Variants in CDK13 observed in about 807,000 individuals in gnomAD.
CDK13 encodes cyclin dependent kinase 13.
CDK13 carries 40 observed loss-of-function variants against 137.6 expected under a neutral mutation model. The ratio of observed to expected loss-of-function variants is 0.29; its 90% confidence interval spans 0.23 to 0.38. The LOEUF is 0.38. CDK13 is among the 10% of genes least tolerant of loss of function. The pLI, the probability that CDK13 is intolerant of heterozygous loss-of-function variation, is 1.00. For synonymous variants in CDK13, 869 were observed against 760.1 expected, an observed-to-expected ratio of 1.14 and a Z score of -2.36; for missense variants, 1,704 against 1,951.8, an observed-to-expected ratio of 0.87 and a Z score of 2.39.
At chr7:40,042,732 G>A (rs991462211) in intron 5 of CDK13, among the ~76,000 whole-genome samples, 2 of 150,052 alleles carry the variant, frequency 1.3e-5, no homozygotes, top group African/African-American at 2.5e-5. Context: ...CACCCACCTC[G>A]GCCTCCGAAA....
At chr7:40,076,494 T>C (rs1174282225) in intron 9 of CDK13, among the ~76,000 whole-genome samples, 1 of 152,134 alleles carries the variant, frequency 6.6e-6, no homozygotes, top group East Asian at 1.9e-4. Flanking sequence ...GGAAGGCAGA[T>C]TGGGACCAGA....
chr7:40,046,679 T>C (rs529402068), intron 6 of CDK13, among the ~76,000 whole-genome samples: 80 of 151,352 alleles, frequency 5.3e-4, no homozygotes, highest in Non-Finnish European at 9.3e-4. Flanking sequence ...AACAATATTA[T>C]AACTTGGGAT....
Position 39,951,242 on chromosome 7 carries a change from G to T in CDK13, c.601G>T (p.Asp201Tyr). 1 of 1,288,846 alleles carries T rather than the reference G, an allele frequency of 7.8e-7. No homozygotes were observed. The highest frequency in any genetic ancestry group is 2.5e-5 in the South Asian group (1 of 40,016). 79.8% of individuals were successfully genotyped at this position (1,288,846 alleles called of 1,614,324 possible). A position where few individuals can be genotyped will look rare whatever the true frequency, so the allele number is the denominator to read the frequency against. ...GGGGTCGGAGCGCAGGCCCCGCCGG[G>T]ACCGCCGCAGCAGCAGTGGCCGCAG... ...GEGSERRPRR[D>Y]RRSSSGRSKE... The change falls in exon 1 of 14, where the codon GAC (aspartate) becomes TAC (tyrosine). Residue 201 changes from aspartate to tyrosine, a missense_variant. This residue lies in a region of CDK13 where 1,051 missense variants were observed against 931.0 expected (regional missense o/e 1.13). Transcript: ENST00000181839.
At position 39,950,659 on chromosome 7, in the gene CDK13, C is replaced by A; in HGVS notation, c.18C>A (p.Asp6Glu). 7.4e-7 allele frequency: 1 copy of A among 1,345,580 alleles called. No individual in the cohort carries two copies. The highest frequency in any genetic ancestry group is 9.5e-7 in the Non-Finnish European group (1 of 1,051,446). The allele number at this position is 1,345,580 out of a possible 1,614,324, so 83.4% of individuals were successfully genotyped here. A position where few individuals can be genotyped will look rare whatever the true frequency, so the allele number is the denominator to read the frequency against. MPSSS[D>E]TALGGGGGLS... ...TCTAGGCGATGCCGAGCAGCTCGGACACGGCGCTGGGGGGAGGCGGGGGCC... is the reference window on the plus strand; with the variant it reads ...TCTAGGCGATGCCGAGCAGCTCGGAAACGGCGCTGGGGGGAGGCGGGGGCC... Residue 6 changes from aspartate (D) to glutamate (E), a missense_variant, in exon 1 of 14, where the codon GAC becomes GAA. Coordinates refer to ENST00000181839, the MANE Select transcript of CDK13 (RefSeq NM_003718.5).
rs761369160 is a variant in CDK13, at chr7:39,969,396, T to C, written c.1211+17544T>C. 6.6e-5 allele frequency among the ~76,000 whole-genome samples: 10 copies of C among 152,368 alleles called. No homozygotes were observed. The Middle Eastern group carries it at 0.01, about 155-fold the overall frequency. ...AATACCTTTAGAACTGAGATCACTT[T>C]GTGAGTACTTATTACATCCAGTTTA... On this transcript the variant is annotated intron_variant, in intron 1 of 13. Transcript: ENST00000181839.
rs568683484 is a variant in CDK13 at position 40,092,694 on chromosome 7, A to T, written c.3236-91A>T. 68 of 829,996 alleles carry T rather than the reference A, an allele frequency of 8.2e-5. No homozygotes were observed. The African/African-American group carries it at 1.1e-3, about 14-fold the overall frequency. The allele number at this position is 829,996 out of a possible 1,614,324, so 51.4% of individuals were successfully genotyped here. A position where few individuals can be genotyped will look rare whatever the true frequency, so the allele number is the denominator to read the frequency against. ...CTTAAATACTCTCCCTCAAATATAT[A>T]TTTTCATATGGTAATACAGAGCCAT... On this transcript the variant is annotated intron_variant, in intron 12 of 13. Coordinates refer to ENST00000181839, the MANE Select transcript of CDK13 (RefSeq NM_003718.5).
At chr7:39,969,375 C>G (rs1310288055) in intron 1 of CDK13, among the ~76,000 whole-genome samples, 1 of 152,166 alleles carries the variant, frequency 6.6e-6, no homozygotes, top group Non-Finnish European at 1.5e-5. Flanking sequence ...TTTAAAAATA[C>G]CTTTAGAACT....
chr7:40,027,879 A>G (rs1308134870), intron 5 of CDK13, among the ~76,000 whole-genome samples: 1 of 152,044 alleles, frequency 6.6e-6, no homozygotes, highest in Non-Finnish European at 1.5e-5. Context: ...GAGACAGGAT[A>G]GGTTCTGAGA....
chr7:40,064,938 T>A lies in CDK13; in HGVS notation c.2780+1838T>A, dbSNP rs1243009853. Among the ~76,000 whole-genome samples the A allele has an allele frequency of 7.8e-5, 11 of 141,500 alleles. No individual in the cohort carries two copies. In the Admixed American group the frequency reaches 8.2e-4, roughly 11 times the overall value. The allele number at this position is 141,500 out of a possible 152,430, so 92.8% of individuals were successfully genotyped here. A position where few individuals can be genotyped will look rare whatever the true frequency, so the allele number is the denominator to read the frequency against. On this transcript the variant is annotated intron_variant, in intron 9 of 13. Transcript: ENST00000181839. Reference sequence around the variant, plus strand: ...TTCCAAGTAGCTGGGACCACAGGCATGCACCACCATGCTGGGTGATTTTTT... The same window carrying A: ...TTCCAAGTAGCTGGGACCACAGGCAAGCACCACCATGCTGGGTGATTTTTT...
chr7:40,094,833 T>C lies in CDK13; in HGVS notation c.4392T>C (p.Gly1464=). 6.4e-7 allele frequency: 1 copy of C among 1,562,018 alleles called. No individual in the cohort carries two copies. The highest frequency in any genetic ancestry group is 1.2e-5 in the South Asian group (1 of 81,234). Residue 1464 remains glycine (G), a synonymous_variant, in exon 14 of 14, where the codon GGT becomes GGC. Coordinates refer to ENST00000181839, the MANE Select transcript of CDK13 (RefSeq NM_003718.5). ...PAKMHNYNYG[G]NLQENPSGPS... is the part of the protein sequence containing the mutation. ...AGATGCACAACTATAACTATGGTGG[T>C]AACTTACAGGAAAATCCGAGTGGCC...
At chr7:40,013,895 A>C (rs1012819092) in intron 5 of CDK13, among the ~76,000 whole-genome samples, 8 of 152,108 alleles carry the variant, frequency 5.3e-5, no homozygotes, top group Non-Finnish European at 7.4e-5. Context: ...ATAAAAGATG[A>C]GACTGTAAAG....
intron 9 of CDK13, chr7:40,069,191 C>T: frequency 2.6e-6 from 1 of 385,156 alleles, no homozygotes; most frequent in Non-Finnish European, 5.1e-6. Flanking sequence ...ACTGTGATTG[C>T]ACCACTGCCC....
intron 5 of CDK13, among the ~76,000 whole-genome samples, chr7:40,003,795 C>A (rs1784743323): frequency 6.6e-6 from 1 of 152,150 alleles, no homozygotes; most frequent in Admixed American, 6.5e-5. Flanking sequence ...TTGACAGACA[C>A]ACACATACCC....
Position 39,987,686 on chromosome 7 carries a change from T to A in CDK13, c.1299T>A (p.Ser433Arg). 6.2e-7 allele frequency: 1 copy of A among 1,613,746 alleles called. No homozygotes were observed. The change falls in exon 2 of 14, where the codon AGT (serine) becomes AGA (arginine). Residue 433 changes from serine (S) to arginine (R), a missense_variant. Physicochemically the swap from Ser to Arg is moderately radical, Grantham distance 110. Transcript: ENST00000181839. ...RSRHRLSRSRSRHSSISPSTL... is the reference protein window; with the variant it reads ...RSRHRLSRSRRRHSSISPSTL... ...GGCACAGATTGTCTAGATCCAGAAG[T>A]CGTCATTCTAGTATTTCTCCTAGCA...
chr7:40,015,815 C>A (rs1418795513), intron 5 of CDK13, among the ~76,000 whole-genome samples: 1 of 152,082 alleles, frequency 6.6e-6, no homozygotes, highest in Non-Finnish European at 1.5e-5. Context: ...TCAGTCACAT[C>A]TGACTAGCTG....
intron 11 of CDK13, among the ~76,000 whole-genome samples, chr7:40,083,328 A>C (rs1786713170): frequency 6.6e-6 from 1 of 151,446 alleles, no homozygotes; most frequent in Admixed American, 6.6e-5. Context: ...AAAAAAGATG[A>C]AGAATTAGAG....
intron 2 of CDK13, among the ~76,000 whole-genome samples, chr7:39,996,138 A>G (rs1463712215): frequency 6.6e-6 from 1 of 152,224 alleles, no homozygotes; most frequent in Non-Finnish European, 1.5e-5. Flanking sequence ...AGATGGTATT[A>G]TTAAGTTGTT....
rs145790503 is a variant in CDK13 at position 39,975,017 on chromosome 7, A to G, written c.1212-12582A>G. On this transcript the variant is annotated intron_variant, in intron 1 of 13. Coordinates refer to ENST00000181839, the MANE Select transcript of CDK13 (RefSeq NM_003718.5). ...AGCTGCAGATTCGTCATAAATGGCT[A>G]GTTTTATTTTTTAATAAAAATAATG... Among the ~76,000 whole-genome samples, 11 of 152,256 alleles carry G rather than the reference A, an allele frequency of 7.2e-5. 1 individual carries two copies. In the East Asian group the frequency reaches 2.1e-3, roughly 29 times the overall value.
chr7:40,047,149 G>A (rs1415515960), intron 6 of CDK13, among the ~76,000 whole-genome samples: 2 of 151,818 alleles, frequency 1.3e-5, no homozygotes, highest in Non-Finnish European at 2.9e-5. Context: ...TCAGCTTTAG[G>A]TTAAGAATAG....
Sources: gnomAD v4.1 joint callset for allele counts (sites outside exome capture counted in the v4.1 genomes callset) on GRCh38, gnomAD v4.1.1 for gene constraint, gnomAD v4.1.1 regional missense constraint, MANE v1.5 for transcripts, NCBI Gene and HGNC (gene_info 2026-07-23, HGNC 2026-07-21) for gene names.